Variants in ITGAD observed in about 807,000 individuals in gnomAD.
The protein encoded by ITGAD is integrin subunit alpha D.
ITGAD carries 105 observed loss-of-function variants against 139.0 expected under a neutral mutation model. The observed-to-expected ratio is 0.76, with a 90% confidence interval of 0.65 to 0.89. The LOEUF (loss-of-function observed/expected upper bound fraction) is 0.89, where lower values mean the gene tolerates loss of function less well. Ranked by LOEUF, ITGAD falls within the 40% of genes least tolerant of loss-of-function variation. ITGAD has a pLI of 0.00. For synonymous variants in ITGAD, 569 were observed against 598.3 expected (o/e 0.95, Z 0.71); for missense variants, 1,384 against 1,487.3 (o/e 0.93, Z 1.14).
intron 28 of ITGAD, 119 bp downstream of exon 28, chr16:31,424,322 A>G (rs2082069025): frequency 1.5e-6 from 2 of 1,339,770 alleles, no homozygotes; most frequent in African/African-American, 1.4e-5. Flanking sequence ...TCTGGGCAGG[A>G]CAGCTGTCCC....
chr16:31,407,713 C>T (rs1268764827), intron 8 of ITGAD, 45 bp downstream of exon 8: 2 of 1,613,250 alleles, frequency 1.2e-6, no homozygotes, highest in African/African-American at 1.3e-5. Context: ...CCTGCATCTC[C>T]TTCAGGTGCA....
intron 2 of ITGAD, among the ~76,000 whole-genome samples, 173 bp downstream of exon 2, chr16:31,394,514 A>G (rs1158063223): frequency 6.6e-6 from 1 of 152,112 alleles, no homozygotes; most frequent in African/African-American, 2.4e-5. Context: ...ATCCCAGGAA[A>G]GGCCACAAAA....
chr16:31,405,545 A>C (rs2081516041), intron 7 of ITGAD, among the ~76,000 whole-genome samples: 1 of 151,740 alleles, frequency 6.6e-6, no homozygotes, highest in African/African-American at 2.4e-5. Context: ...ATCTTTATTC[A>C]GGCTTATTTT....
Position 31,410,749 on chromosome 16 carries a change from G to A in ITGAD, c.1227G>A (p.Glu409=). ...MRDSYLGYST[E]LALWKGVQNL... ...TGGGCCCCTCAGGTTACTCCACCGA[G>A]CTAGCCCTGTGGAAGGGGGTACAGA... Residue 409 remains glutamate (E), a synonymous_variant, in exon 12 of 30, where the codon GAG becomes GAA. Coordinates refer to ENST00000389202, the MANE Select transcript of ITGAD (RefSeq NM_005353.3). 1 of 1,612,268 alleles carries A rather than the reference G, an allele frequency of 6.2e-7. No individual in the cohort carries two copies.
chr16:31,416,472 A>G, intron 19 of ITGAD, 33 bp from the exon 20 acceptor site: 1 of 1,594,158 alleles, frequency 6.3e-7, no homozygotes, highest in Non-Finnish European at 8.6e-7. Flanking sequence ...TTTCCAGTGG[A>G]GCGCCACTCC....
chr16:31,403,764 C>A lies in ITGAD; in HGVS notation c.704+119C>A. On this transcript the variant is annotated intron_variant, in intron 7 of 29. Transcript: ENST00000389202. This position sits in a 1 kb window ranked among gnomAD's most constrained non-coding sequence, Gnocchi z 4.4. ...TCCAGGGAAAGGGGCTACCAAGGGG[C>A]ATGTCGGGGCTGCAGGGAGAACCTC... The A allele has an allele frequency of 7.7e-7, 1 of 1,306,096 alleles. No individual in the cohort carries two copies. Among genetic ancestry groups the A allele is most frequent in the Non-Finnish European group, 1.1e-6 (1 of 943,106 alleles). The allele number at this position is 1,306,096 out of a possible 1,614,324, so 80.9% of individuals were successfully genotyped here. A position where few individuals can be genotyped will look rare whatever the true frequency, so the allele number is the denominator to read the frequency against.
Position 31,407,599 on chromosome 16 carries a change from AG to A in ITGAD, c.790del (p.Asp264ThrfsTer37), listed in dbSNP as rs746196143. The A allele has an allele frequency of 6.2e-7, 1 of 1,614,066 alleles. No homozygotes were observed. Among genetic ancestry groups the A allele is most frequent in the Non-Finnish European group, 8.5e-7 (1 of 1,179,952 alleles). On this transcript the variant is annotated frameshift_variant, in exon 8 of 30. Transcript: ENST00000389202. LOFTEE classifies it high-confidence loss of function. ...IVITDGQKYK[D>X]PLEYSDVIPQ... ...TCATCACAGATGGGCAGAAGTACAA[AG>A]ACCCCCTGGAATACAGTGATGTCAT...
chr16:31,416,975 ATCTC>A (rs140545336), intron 20 of ITGAD, among the ~76,000 whole-genome samples: 3 of 118,238 alleles, frequency 2.5e-5, no homozygotes, highest in Admixed American at 8.5e-5. Context: ...ATTTCCTTGT[ATCTC>A]TCTCTCTCTC....
At chr16:31,419,769 C>G (rs1359989688) in intron 23 of ITGAD, among the ~76,000 whole-genome samples, 2 of 143,184 alleles carry the variant, frequency 1.4e-5, no homozygotes, top group Non-Finnish European at 3.0e-5. Context: ...TGAGATCGCG[C>G]TGCTGCATGC....
Position 31,410,419 on chromosome 16 carries a change from G to A in ITGAD, c.1108G>A (p.Gly370Arg), listed in dbSNP as rs1450753343. 6.2e-7 allele frequency: 1 copy of A among 1,613,896 alleles called. No individual in the cohort carries two copies. Among genetic ancestry groups the A allele is most frequent in the African/African-American group, 1.3e-5 (1 of 74,878 alleles). ...TMDGLFLGAV[G>R]SFSWSGGAFL... ...GGATGGCCTCTTCCTGGGGGCTGTG[G>A]GGAGCTTTAGCTGGTCTGGAGGTGC... The change falls in exon 11 of 30, where the codon GGG becomes AGG. Residue 370 changes from glycine (G) to arginine (R), a missense_variant. Transcript: ENST00000389202.
Position 31,394,270 on chromosome 16 carries a change from G to A in ITGAD, c.66G>A (p.Val22=), listed in dbSNP as rs1009770983. The A allele has an allele frequency of 6.2e-7, 1 of 1,613,932 alleles. No individual in the cohort carries two copies. The highest frequency in any genetic ancestry group is 1.7e-4 in the Middle Eastern group (1 of 6,060). ...CTTATCATGGATTCAACCTGGATGT[G>A]GAGGAGCCTACGATCTTCCAGGAGG... The part of the protein sequence containing the change: ...LASYHGFNLD[V]EEPTIFQEDA... Residue 22 remains valine (V), a synonymous_variant, in exon 2 of 30, where the codon GTG becomes GTA. Coordinates refer to ENST00000389202, the MANE Select transcript of ITGAD (RefSeq NM_005353.3).
intron 23 of ITGAD, among the ~76,000 whole-genome samples, chr16:31,421,490 A>C (rs1221466714): frequency 2.0e-5 from 3 of 152,136 alleles, no homozygotes; most frequent in East Asian, 1.9e-4. Context: ...ATGAAAATAA[A>C]ATAAAACTTT....
intron 10 of ITGAD, 145 bp from the exon 11 acceptor site, chr16:31,410,250 C>G: frequency 9.4e-7 from 1 of 1,062,000 alleles, no homozygotes; most frequent in Non-Finnish European, 1.4e-6. Context: ...TGGGGACAGG[C>G]AGAGGCACAG....
chr16:31,419,866 G>A (rs1422380345), intron 23 of ITGAD, among the ~76,000 whole-genome samples: 3 of 150,084 alleles, frequency 2.0e-5, no homozygotes, highest in Non-Finnish European at 3.0e-5. Flanking sequence ...ATTGCCTAAC[G>A]ATTAATTTCT....
chr16:31,398,245 C>T (rs528942718), intron 5 of ITGAD, among the ~76,000 whole-genome samples: 1 of 147,916 alleles, frequency 6.8e-6, no homozygotes, highest in African/African-American at 2.5e-5. Flanking sequence ...GGTGAAACCC[C>T]TCTACTAAAA....
rs1327602312 is a variant in ITGAD at position 31,414,977 on chromosome 16, C to G, written c.2269C>G (p.Leu757Val). 5 of 1,614,076 alleles carry G rather than the reference C, an allele frequency of 3.1e-6. No individual in the cohort carries two copies. Among genetic ancestry groups the G allele is most frequent in the Non-Finnish European group, 4.2e-6 (5 of 1,180,010 alleles). ...RPVLAVGSQD[L>V]FTASLPFEKN... The stretch of plus-strand genomic sequence containing the variant: ...TGTGCTGGCCGTGGGCTCACAAGAC[C>G]TCTTCACTGCTTCTGTGAGTCTTCT... Residue 757 changes from leucine (L) to valine (V), a missense_variant, in exon 18 of 30, where the codon CTC becomes GTC. Physicochemically the swap from Leu to Val is conservative, Grantham distance 32 (BLOSUM62 1). Coordinates refer to ENST00000389202, the MANE Select transcript of ITGAD (RefSeq NM_005353.3).
Position 31,407,751 on chromosome 16 carries a change from G to GT in ITGAD, c.859-14dup. 1 of 1,613,824 alleles carries GT rather than the reference G, an allele frequency of 6.2e-7. No individual in the cohort carries two copies. The highest frequency in any genetic ancestry group is 8.5e-7 in the Non-Finnish European group (1 of 1,179,730). On this transcript the variant is annotated splice_polypyrimidine_tract_variant and intron_variant, in intron 8 of 29. Transcript: ENST00000389202. ...GCTGCTGGGCTCATCCTCCTCGGCT[G>GT]TCTCTCTGCTGCAGGTGGGACACGC...
intron 14 of ITGAD, among the ~76,000 whole-genome samples, chr16:31,411,938 A>C (rs1180856934): frequency 1.3e-5 from 2 of 152,234 alleles, no homozygotes; most frequent in East Asian, 3.8e-4. Flanking sequence ...ACCAGTGATG[A>C]ATACACAAAT....
chr16:31,406,120 G>C (rs767773074), intron 7 of ITGAD, among the ~76,000 whole-genome samples: 2 of 151,900 alleles, frequency 1.3e-5, no homozygotes, highest in South Asian at 2.1e-4. Flanking sequence ...TGTCGCCCAG[G>C]CTGGAGTGCA....
Sources: gnomAD v4.1 joint callset for allele counts (sites outside exome capture counted in the v4.1 genomes callset) on GRCh38, gnomAD v4.1.1 for gene constraint, Gnocchi (gnomAD v3.1) non-coding constraint, MANE v1.5 for transcripts, NCBI Gene and HGNC (gene_info 2026-07-23, HGNC 2026-07-21) for gene names.